RELL1: variants seen among roughly 807,000 people sequenced by gnomAD.
RELL1 encodes RELT like 1, also known as RELT-like protein 1.
In RELL1, 10 loss-of-function variants were observed where a neutral mutation model predicts 23.0. The observed-to-expected ratio is 0.43, with a 90% confidence interval of 0.27 to 0.74. The LOEUF (loss-of-function observed/expected upper bound fraction) is 0.74, where lower values mean the gene tolerates loss of function less well. Among genes scored for constraint, RELL1 ranks in the 30% least tolerant of loss-of-function variants. The pLI is 0.19. For missense variants in RELL1, 315 were observed against 364.4 expected (o/e 0.86, Z 1.10); for synonymous variants, 146 against 146.8 (o/e 0.99, Z 0.04).
intron 1 of RELL1, among the ~76,000 whole-genome samples, chr4:37,672,873 T>C (rs1380745677): frequency 6.6e-6 from 1 of 152,190 alleles, no homozygotes; most frequent in Non-Finnish European, 1.5e-5. Flanking sequence ...ATTTAGAGAT[T>C]GCCTTAACAC....
chr4:37,657,968 C>G (rs1721186767), intron 1 of RELL1, among the ~76,000 whole-genome samples: 1 of 152,072 alleles, frequency 6.6e-6, no homozygotes. Flanking sequence ...CAATGGCAAA[C>G]CAGTGTAAAA....
chr4:37,645,960 C>T (rs1376417962), intron 3 of RELL1, among the ~76,000 whole-genome samples: 4 of 152,134 alleles, frequency 2.6e-5, no homozygotes, highest in Non-Finnish European at 5.9e-5. Flanking sequence ...GTGTGGGGTG[C>T]CCAGGGCAGG....
At chr4:37,629,714 T>C (rs373343875) in intron 6 of RELL1, among the ~76,000 whole-genome samples, 1 of 152,230 alleles carries the variant, frequency 6.6e-6, no homozygotes, top group Non-Finnish European at 1.5e-5. Flanking sequence ...AGAGTCCCTA[T>C]GTCTCAGAAA....
At chr4:37,633,120 CAT>C (rs1268659960) in intron 5 of RELL1, among the ~76,000 whole-genome samples, 2 of 152,100 alleles carry the variant, frequency 1.3e-5, no homozygotes, top group Admixed American at 6.6e-5. Flanking sequence ...TTTAAAAAGC[CAT>C]GTTTGGCCAG....
intron 6 of RELL1, among the ~76,000 whole-genome samples, chr4:37,599,165 A>G (rs975808954): frequency 1.3e-5 from 2 of 152,206 alleles, no homozygotes; most frequent in Non-Finnish European, 2.9e-5. Context: ...GAAGATTGTA[A>G]TAAAGAATAG....
intron 1 of RELL1, among the ~76,000 whole-genome samples, chr4:37,669,478 C>T (rs1375149479): frequency 4.0e-5 from 6 of 150,436 alleles, no homozygotes; most frequent in African/African-American, 1.5e-4. Context: ...CCCGGCCACC[C>T]CTACTGGGAA....
chr4:37,660,370 C>T (rs1473763912), intron 1 of RELL1, among the ~76,000 whole-genome samples: 3 of 152,150 alleles, frequency 2.0e-5, no homozygotes, highest in East Asian at 1.9e-4. Flanking sequence ...CCACAATTCA[C>T]TCTGGGCTGA....
At chr4:37,674,389 TGA>T (rs1194126737) in intron 1 of RELL1, among the ~76,000 whole-genome samples, 1 of 152,250 alleles carries the variant, frequency 6.6e-6, no homozygotes, top group Admixed American at 6.5e-5. Context: ...GACTGTGAAA[TGA>T]GTTTCACCTT....
intron 6 of RELL1, among the ~76,000 whole-genome samples, chr4:37,618,202 C>T (rs1719638669): frequency 6.6e-6 from 1 of 152,016 alleles, no homozygotes; most frequent in Non-Finnish European, 1.5e-5. Context: ...TATAACTCTA[C>T]ATCAATCTTT....
chr4:37,604,858 C>CACAGACACACACAT (rs1719131944), intron 6 of RELL1, among the ~76,000 whole-genome samples: 2 of 109,604 alleles, frequency 1.8e-5, no homozygotes, highest in African/African-American at 4.4e-5. Context: ...CACAGACACA[C>CACAGACACACACAT]ACACACAGAC....
At chr4:37,662,020 C>A (rs553047945) in intron 1 of RELL1, among the ~76,000 whole-genome samples, 1 of 152,112 alleles carries the variant, frequency 6.6e-6, no homozygotes, top group East Asian at 1.9e-4. Flanking sequence ...CCCCACCCAA[C>A]GCCAGCTGCA....
intron 6 of RELL1, among the ~76,000 whole-genome samples, chr4:37,601,603 A>G (rs1370050018): frequency 6.6e-6 from 1 of 152,224 alleles, no homozygotes; most frequent in Non-Finnish European, 1.5e-5. Flanking sequence ...TGAAGCAATA[A>G]AAGGAAAAGG....
chr4:37,620,623 A>G (rs1420529890), intron 6 of RELL1, among the ~76,000 whole-genome samples: 1 of 152,218 alleles, frequency 6.6e-6, no homozygotes, highest in Non-Finnish European at 1.5e-5. Flanking sequence ...TCTTTCTAAT[A>G]AGGAAAATGG....
chr4:37,670,913 T>C (rs1721813347), intron 1 of RELL1, among the ~76,000 whole-genome samples: 1 of 152,214 alleles, frequency 6.6e-6, no homozygotes, highest in African/African-American at 2.4e-5. Flanking sequence ...GCCTTTATCT[T>C]CTAAATAGTA....
At chr4:37,642,011 C>T (rs1317168836) in intron 3 of RELL1, among the ~76,000 whole-genome samples, 1 of 152,150 alleles carries the variant, frequency 6.6e-6, no homozygotes, top group African/African-American at 2.4e-5. Context: ...TGGACACAAA[C>T]CCTGGTCTGT....
At chr4:37,651,439 A>G (rs11096894) in intron 1 of RELL1, among the ~76,000 whole-genome samples, 48,120 of 152,148 alleles carry the variant, frequency 0.32, 7,824 homozygotes, top group Non-Finnish European at 0.37. Flanking sequence ...GAGGTTTTCT[A>G]CATCAAGGGA....
intron 1 of RELL1, among the ~76,000 whole-genome samples, chr4:37,659,129 T>G (rs1721229441): frequency 6.6e-6 from 1 of 152,346 alleles, no homozygotes; most frequent in African/African-American, 2.4e-5. Flanking sequence ...AGCTGGTAAG[T>G]GTGATTCTCT....
At chr4:37,608,903 T>A (rs192259512), downstream of RELL1, among the ~76,000 whole-genome samples, 228 of 152,278 alleles carry the variant, frequency 1.5e-3, 1 homozygote, top group African/African-American at 5.2e-3. Flanking sequence ...AGTGCTGGGA[T>A]TACAGGCATG....
intron 6 of RELL1, among the ~76,000 whole-genome samples, chr4:37,605,581 A>T (rs371855035): frequency 2.6e-5 from 4 of 152,044 alleles, no homozygotes; most frequent in East Asian, 3.9e-4. Context: ...GTCTCTACTA[A>T]AAATACAAAA....
Sources: gnomAD v4.1 joint callset for allele counts (sites outside exome capture counted in the v4.1 genomes callset) on GRCh38, gnomAD v4.1.1 for gene constraint, MANE v1.5 for transcripts, NCBI Gene and HGNC (gene_info 2026-07-23, HGNC 2026-07-21) for gene names.